The following FSIP1 variants were observed in gnomAD, a reference collection of about 807,000 sequenced individuals.
The protein encoded by FSIP1 is fibrous sheath interacting protein 1.
A neutral mutation model predicts 60.9 loss-of-function variants in FSIP1; 65 were observed. The ratio of observed to expected loss-of-function variants is 1.07; its 90% CI spans 0.87 to 1.31. The LOEUF (loss-of-function observed/expected upper bound fraction) is 1.31, where lower values mean the gene tolerates loss of function less well. FSIP1 is among the 40% of genes most tolerant of loss of function. The pLI, the probability that FSIP1 is intolerant of heterozygous loss-of-function variation, is 0.00. For missense variants in FSIP1, 675 were observed against 665.5 expected (o/e 1.01, Z -0.16); for synonymous variants, 209 against 221.2 (o/e 0.94, Z 0.49).
chr15:39,754,316 G>A (rs944715557), intron 5 of FSIP1, among the ~76,000 whole-genome samples: 1 of 151,980 alleles, frequency 6.6e-6, no homozygotes, highest in Admixed American at 6.6e-5. Flanking sequence ...ATCTTGAGTC[G>A]GAACCACCCA....
intron 1 of FSIP1, among the ~76,000 whole-genome samples, chr15:39,776,734 T>C (rs1192913941): frequency 6.6e-6 from 1 of 152,116 alleles, no homozygotes; most frequent in African/African-American, 2.4e-5. Flanking sequence ...ATGCATAAAA[T>C]ATACTGCCCA....
intron 11 of FSIP1, among the ~76,000 whole-genome samples, chr15:39,604,154 C>T (rs1350895419): frequency 6.6e-6 from 1 of 152,260 alleles, no homozygotes; most frequent in Non-Finnish European, 1.5e-5. Flanking sequence ...TTGTCTCAAA[C>T]TCCCAACCTC....
intron 5 of FSIP1, among the ~76,000 whole-genome samples, chr15:39,755,064 AT>A (rs1298416374): frequency 1.3e-5 from 2 of 151,950 alleles, no homozygotes; most frequent in Middle Eastern, 3.4e-3. Context: ...TTAGAGTAAG[AT>A]TAAAAAAAAA....
chr15:39,774,157 A>G (rs1897977832), intron 2 of FSIP1, among the ~76,000 whole-genome samples: 1 of 152,210 alleles, frequency 6.6e-6, no homozygotes, highest in South Asian at 2.1e-4. Flanking sequence ...CAAAACCCCA[A>G]CCGGATTTTT....
At chr15:39,653,037 G>A (rs540127427) in intron 10 of FSIP1, among the ~76,000 whole-genome samples, 5 of 151,990 alleles carry the variant, frequency 3.3e-5, no homozygotes, top group South Asian at 2.1e-4. Flanking sequence ...TTACTCAGGC[G>A]TGGTGGTGTG....
chr15:39,745,803 C>CA (rs1896972927), intron 5 of FSIP1, among the ~76,000 whole-genome samples: 1 of 152,186 alleles, frequency 6.6e-6, no homozygotes, highest in African/African-American at 2.4e-5. Flanking sequence ...AATAAAATGA[C>CA]AGAGCCTGGC....
intron 10 of FSIP1, among the ~76,000 whole-genome samples, chr15:39,636,702 A>G (rs1892153769): frequency 6.6e-6 from 1 of 152,208 alleles, no homozygotes; most frequent in Non-Finnish European, 1.5e-5. Flanking sequence ...ATACCAAAAT[A>G]AGGGACCTAG....
chr15:39,633,795 C>T (rs16969459), intron 10 of FSIP1, among the ~76,000 whole-genome samples: 27,583 of 152,096 alleles, frequency 0.18, 3,041 homozygotes, highest in East Asian at 0.32. Flanking sequence ...TTGTAATAGA[C>T]GCTGATTATA....
chr15:39,765,151 G>T (rs1476840209), intron 4 of FSIP1, among the ~76,000 whole-genome samples: 1 of 151,284 alleles, frequency 6.6e-6, no homozygotes, highest in Non-Finnish European at 1.5e-5. Flanking sequence ...ACATACCACT[G>T]CCACTACCTC....
chr15:39,724,480 C>T (rs2140586506), intron 9 of FSIP1, among the ~76,000 whole-genome samples: 1 of 149,736 alleles, frequency 6.7e-6, no homozygotes, highest in South Asian at 2.1e-4. Flanking sequence ...TCTCGATCTC[C>T]TGACCTCGTG....
At chr15:39,770,794 T>G (rs1188889215) in intron 2 of FSIP1, among the ~76,000 whole-genome samples, 184 bp from the exon 3 acceptor site, 1 of 152,218 alleles carries the variant, frequency 6.6e-6, no homozygotes, top group Admixed American at 6.5e-5. Context: ...CACAATTCCA[T>G]GTAATAACAT....
intron 11 of FSIP1, among the ~76,000 whole-genome samples, chr15:39,614,557 A>G (rs1232538813): frequency 6.6e-6 from 1 of 151,858 alleles, no homozygotes; most frequent in East Asian, 1.9e-4. Flanking sequence ...AGGCAGGAGA[A>G]TCGCCTGAAC....
intron 10 of FSIP1, among the ~76,000 whole-genome samples, chr15:39,707,272 C>A (rs1456476323): frequency 1.3e-5 from 2 of 152,136 alleles, no homozygotes; most frequent in African/African-American, 4.8e-5. Flanking sequence ...CCTGGGCTAC[C>A]TGATTGTTTA....
intron 9 of FSIP1, among the ~76,000 whole-genome samples, chr15:39,714,129 G>A (rs1273575515): frequency 3.9e-5 from 6 of 152,114 alleles, no homozygotes; most frequent in Non-Finnish European, 8.8e-5. Context: ...AGTAATAATA[G>A]ATCTAGGCTA....
chr15:39,663,488 A>T (rs1177979076), intron 10 of FSIP1, among the ~76,000 whole-genome samples: 1 of 152,218 alleles, frequency 6.6e-6, no homozygotes, highest in Non-Finnish European at 1.5e-5. Context: ...ATTTAATTCC[A>T]ACATGGAGTA....
rs147261699 is a variant in FSIP1, at chr15:39,699,517, T to C, written c.1188+13927A>G. On this transcript the variant is annotated intron_variant, in intron 10 of 11. Coordinates refer to ENST00000350221, the MANE Select transcript of FSIP1 (RefSeq NM_152597.5). Reference sequence around the variant, plus strand: ...CATGTATCTTTGTTGATAGTAAAAGTATAATCAACCTGCCAGTAATATCTT... The same window carrying C: ...CATGTATCTTTGTTGATAGTAAAAGCATAATCAACCTGCCAGTAATATCTT... Among the ~76,000 whole-genome samples the C allele has an allele frequency of 1.6e-3, 240 of 152,350 alleles. 6 individuals carry two copies. The East Asian group carries it at 0.041, about 26-fold the overall frequency.
chr15:39,623,928 G>T (rs2140390841), intron 10 of FSIP1, among the ~76,000 whole-genome samples: 1 of 152,292 alleles, frequency 6.6e-6, no homozygotes, highest in South Asian at 2.1e-4. Flanking sequence ...ACCTCAGCTT[G>T]CCTATGTAGC....
chr15:39,752,458 GTTAACA>G (rs1428580311), intron 5 of FSIP1, among the ~76,000 whole-genome samples: 1 of 151,956 alleles, frequency 6.6e-6, no homozygotes, highest in Non-Finnish European at 1.5e-5. Context: ...GGTGAACAGA[GTTAACA>G]TTAATAGCAA....
intron 10 of FSIP1, among the ~76,000 whole-genome samples, chr15:39,707,264 T>C (rs567192092): frequency 6.6e-6 from 1 of 152,298 alleles, no homozygotes; most frequent in South Asian, 2.1e-4. Context: ...CAACCTCCCC[T>C]GGGCTACCTG....
Sources: gnomAD v4.1 joint callset for allele counts (sites outside exome capture counted in the v4.1 genomes callset) on GRCh38, gnomAD v4.1.1 for gene constraint, MANE v1.5 for transcripts, NCBI Gene and HGNC (gene_info 2026-07-23, HGNC 2026-07-21) for gene names.